AGAP1: variants seen among roughly 807,000 people sequenced by gnomAD.
The protein encoded by AGAP1 is ArfGAP with GTPase domain, ankyrin repeat and PH domain 1.
In AGAP1, 29 loss-of-function variants were observed where a neutral mutation model predicts 105.3. The observed-to-expected ratio is 0.28, with a 90% CI of 0.21 to 0.38. The LOEUF is 0.38. Ranked by LOEUF, AGAP1 falls within the 10% of genes least tolerant of loss-of-function variation. AGAP1 has a pLI of 1.00. For missense variants in AGAP1, 998 were observed against 1,165.1 expected (o/e 0.86, Z 2.09); for synonymous variants, 509 against 485.9 (o/e 1.05, Z -0.63).
intron 1 of AGAP1, among the ~76,000 whole-genome samples, chr2:235,540,587 C>T (rs893769746): frequency 2.0e-5 from 3 of 152,212 alleles, no homozygotes; most frequent in Admixed American, 1.3e-4. Flanking sequence ...TGCTCCCTCC[C>T]TGGGTGCTTT....
Position 236,046,059 on chromosome 2 carries a change from C to T in AGAP1, c.1892-3000C>T, listed in dbSNP as rs971690185. On this transcript the variant is annotated intron_variant, in intron 15 of 17. Transcript: ENST00000304032. The surrounding 1 kb of genome is among the most constrained non-coding windows in gnomAD (Gnocchi z 5.2). ...AGGAGGGGGTGCACCACGGTCTGAA[C>T]GAGGGGCCAGCATGAGTGGCTTCTG... 17 of 469,356 alleles carry T rather than the reference C, an allele frequency of 3.6e-5. No individual in the cohort carries two copies. The highest frequency in any genetic ancestry group is 6.6e-5 in the Non-Finnish European group (15 of 225,700). The allele number at this position is 469,356 out of a possible 1,614,324, so 29.1% of individuals were successfully genotyped here. A position where few individuals can be genotyped will look rare whatever the true frequency, so the allele number is the denominator to read the frequency against.
At chr2:235,534,235 G>C (rs529987508) in intron 1 of AGAP1, among the ~76,000 whole-genome samples, 1 of 152,204 alleles carries the variant, frequency 6.6e-6, no homozygotes, top group Non-Finnish European at 1.5e-5. Context: ...AAATGGGACC[G>C]ATAGCGTGCG....
chr2:235,688,157 C>T (rs529545397), intron 1 of AGAP1, among the ~76,000 whole-genome samples: 1 of 152,208 alleles, frequency 6.6e-6, no homozygotes, highest in Non-Finnish European at 1.5e-5. Context: ...CTGCCCACCT[C>T]GGTCTCCCAA....
At chr2:236,085,307 G>A (rs910325380) in intron 16 of AGAP1, among the ~76,000 whole-genome samples, 1 of 152,094 alleles carries the variant, frequency 6.6e-6, no homozygotes, top group Non-Finnish European at 1.5e-5. Flanking sequence ...GTGGTAGGGG[G>A]GCAGTGTTAG....
rs192092068 is a variant in AGAP1, at chr2:236,067,213, C to A, written c.2114+17932C>A. 2.0e-5 allele frequency among the ~76,000 whole-genome samples: 3 copies of A among 152,164 alleles called. No homozygotes were observed. The East Asian group carries it at 5.8e-4, about 29-fold the overall frequency. ...TTCACCCTCACTGTGCCTCAGTTTC[C>A]CATTCTGCCAAGTGAGGGGTAAGTG... On this transcript the variant is annotated intron_variant, in intron 16 of 17. Coordinates refer to ENST00000304032, the MANE Select transcript of AGAP1 (RefSeq NM_001037131.3).
rs546341758 is a variant in AGAP1, at chr2:235,578,059, C to A, written c.163+83210C>A. ...GTGAGGAGCTGGGTACCACTGTTAT[C>A]CTGCCTGCTGGTCTGAGGGTCCGAG... On this transcript the variant is annotated intron_variant, in intron 1 of 17. Coordinates refer to ENST00000304032, the MANE Select transcript of AGAP1 (RefSeq NM_001037131.3). This position sits in a 1 kb window ranked among gnomAD's most constrained non-coding sequence, Gnocchi z 4.9. Among the ~76,000 whole-genome samples the A allele has an allele frequency of 3.9e-5, 6 of 152,240 alleles. No homozygotes were observed. Among genetic ancestry groups the A allele is most frequent in the Admixed American group, 3.3e-4 (5 of 15,290 alleles).
chr2:235,987,031 A>G (rs780313039), intron 13 of AGAP1, among the ~76,000 whole-genome samples: 3 of 152,178 alleles, frequency 2.0e-5, no homozygotes, highest in African/African-American at 7.2e-5. Context: ...TGTTTGGAAT[A>G]GTTTCAAAAG....
At chr2:235,495,316 C>T (rs1941268648) in intron 1 of AGAP1, among the ~76,000 whole-genome samples, 1 of 152,220 alleles carries the variant, frequency 6.6e-6, no homozygotes, top group Non-Finnish European at 1.5e-5. Context: ...CAGGGCTGCC[C>T]TCCTTAGTGT....
At chr2:235,821,382 A>ATTTTTTTT (rs200107062) in intron 9 of AGAP1, among the ~76,000 whole-genome samples, 1,751 of 133,620 alleles carry the variant, frequency 0.013, 43 homozygotes, top group African/African-American at 0.047. Flanking sequence ...CAGAACTTCA[A>ATTTTTTTT]TTTTTTTTTT....
intron 1 of AGAP1, among the ~76,000 whole-genome samples, chr2:235,636,055 G>A (rs1444064285): frequency 6.6e-6 from 1 of 152,088 alleles, no homozygotes; most frequent in East Asian, 1.9e-4. Flanking sequence ...GGAGGTTGCA[G>A]TGAGCCGAGA....
chr2:236,007,470 G>T (rs974552976), intron 13 of AGAP1, among the ~76,000 whole-genome samples: 1 of 152,174 alleles, frequency 6.6e-6, no homozygotes. Context: ...GTGGTCCAGC[G>T]ATCACAGCCC....
Position 235,957,124 on chromosome 2 carries a change from G to A in AGAP1, c.1484-11338G>A, listed in dbSNP as rs1051207213. ...CAGTCAATCTCAGAACATTTTCATC[G>A]TCTCAAAAAGGAAACTCTGTTCTTG... On this transcript the variant is annotated intron_variant, in intron 12 of 17. Coordinates refer to ENST00000304032, the MANE Select transcript of AGAP1 (RefSeq NM_001037131.3). This position sits in a 1 kb window ranked among gnomAD's most constrained non-coding sequence, Gnocchi z 4.6. Among the ~76,000 whole-genome samples the A allele has an allele frequency of 2.0e-5, 3 of 151,838 alleles. No homozygotes were observed. The highest frequency in any genetic ancestry group is 6.6e-5 in the Admixed American group (1 of 15,250).
chr2:235,881,855 A>C (rs1010552867), intron 9 of AGAP1, among the ~76,000 whole-genome samples: 2 of 152,224 alleles, frequency 1.3e-5, no homozygotes, highest in Non-Finnish European at 2.9e-5. Flanking sequence ...AGGAGGCTTA[A>C]TATGATTTCA....
chr2:235,741,939 G>A lies in AGAP1; in HGVS notation c.396+891G>A, dbSNP rs1481642636. On this transcript the variant is annotated intron_variant, in intron 4 of 17. Transcript: ENST00000304032. This position sits in a 1 kb window ranked among gnomAD's most constrained non-coding sequence, Gnocchi z 4.9. The stretch of plus-strand genomic sequence containing the variant: ...TGGCTAATTTTTTGTATTTTTAGTA[G>A]AGATGGAGTTTCACCATGTTAGCCA... Among the ~76,000 whole-genome samples, 1 of 151,836 alleles carries A rather than the reference G, an allele frequency of 6.6e-6. No homozygotes were observed. Among genetic ancestry groups the A allele is most frequent in the Non-Finnish European group, 1.5e-5 (1 of 67,972 alleles).
intron 12 of AGAP1, among the ~76,000 whole-genome samples, chr2:235,938,093 C>T (rs768591801): frequency 5.3e-5 from 8 of 152,270 alleles, no homozygotes; most frequent in Non-Finnish European, 1.0e-4. Context: ...ATCCGCCTGG[C>T]GGCACGGCCG....
intron 1 of AGAP1, among the ~76,000 whole-genome samples, chr2:235,546,639 G>A (rs1943630261): frequency 6.6e-6 from 1 of 152,044 alleles, no homozygotes; most frequent in Non-Finnish European, 1.5e-5. Context: ...TGGCTGGCGT[G>A]GTGACGGGTG....
At chr2:235,688,759 T>G (rs1949592493) in intron 1 of AGAP1, among the ~76,000 whole-genome samples, 2 of 152,176 alleles carry the variant, frequency 1.3e-5, no homozygotes, top group African/African-American at 4.8e-5. Flanking sequence ...AAATGAGCAT[T>G]GGGGTGCTTT....
intron 8 of AGAP1, among the ~76,000 whole-genome samples, chr2:235,806,155 C>T (rs954293900): frequency 6.6e-6 from 1 of 152,188 alleles, no homozygotes; most frequent in Non-Finnish European, 1.5e-5. Context: ...GCTCACATCC[C>T]TTTGAACCTG....
intron 1 of AGAP1, among the ~76,000 whole-genome samples, chr2:235,507,825 G>T (rs891018438): frequency 6.6e-6 from 1 of 152,112 alleles, no homozygotes; most frequent in Non-Finnish European, 1.5e-5. Flanking sequence ...AAAACTTTTA[G>T]TTTCAGGGGT....
Sources: allele counts gnomAD v4.1 joint callset (sites outside exome capture counted in the v4.1 genomes callset), GRCh38; gene constraint gnomAD v4.1.1; non-coding constraint Gnocchi (gnomAD v3.1); transcripts MANE v1.5; gene names NCBI Gene and HGNC (gene_info 2026-07-23, HGNC 2026-07-21).